Variants in PRR5L observed in about 807,000 individuals in gnomAD.
PRR5L encodes proline-rich protein 5-like.
Under a neutral mutation model 36.4 loss-of-function variants are expected in PRR5L, and 21 were observed. That is an observed-to-expected ratio of 0.58 (90% CI 0.41 to 0.83). The LOEUF (loss-of-function observed/expected upper bound fraction) is 0.83, where lower values mean the gene tolerates loss of function less well. PRR5L is among the 40% of genes least tolerant of loss of function. The pLI is 0.00. For missense variants in PRR5L, 381 were observed against 473.3 expected, an observed-to-expected ratio of 0.80 and a Z score of 1.81; for synonymous variants, 188 against 197.0, an observed-to-expected ratio of 0.95 and a Z score of 0.38.
chr11:36,463,724 A>G lies in PRR5L; in HGVS notation c.*988A>G, dbSNP rs1859240267. 6.6e-6 allele frequency: 1 copy of G among 152,520 alleles called. No individual in the cohort carries two copies. The highest frequency in any genetic ancestry group is 1.5e-5 in the Non-Finnish European group (1 of 68,016). 9.4% of individuals were successfully genotyped at this position (152,520 alleles called of 1,614,324 possible). On this transcript the variant is annotated 3_prime_UTR_variant, in exon 9 of 9. Transcript: ENST00000530639. ...AGTGGGGTGAGTCTTCACACTAAAA[A>G]CACAAGCAGAGCTCCTGGGAAAAGA...
intron 1 of PRR5L, among the ~76,000 whole-genome samples, chr11:36,356,922 A>G (rs1857034004): frequency 6.6e-6 from 1 of 152,154 alleles, no homozygotes; most frequent in African/African-American, 2.4e-5. Flanking sequence ...TTTAAGTCAA[A>G]ATCTAGAAGT....
intron 1 of PRR5L, among the ~76,000 whole-genome samples, chr11:36,312,098 G>A (rs575055455): frequency 6.1e-4 from 93 of 152,300 alleles, no homozygotes; most frequent in Non-Finnish European, 1.1e-3. Flanking sequence ...GGGCTTGGGA[G>A]TAGGAACAGG....
chr11:36,416,318 T>G (rs1365121), intron 3 of PRR5L, among the ~76,000 whole-genome samples: 17,146 of 152,196 alleles, frequency 0.11, 1,944 homozygotes, highest in African/African-American at 0.29. Context: ...TGACTTAAAT[T>G]ATTAAGAAAG....
intron 1 of PRR5L, among the ~76,000 whole-genome samples, chr11:36,399,617 A>G (rs1340471812): frequency 6.6e-6 from 1 of 152,260 alleles, no homozygotes; most frequent in African/African-American, 2.4e-5. Context: ...TTTTTGGGAC[A>G]TAGCAGAGTT....
chr11:36,411,377 T>C (rs943249774), intron 3 of PRR5L, among the ~76,000 whole-genome samples: 5 of 152,188 alleles, frequency 3.3e-5, no homozygotes, highest in African/African-American at 1.2e-4. Context: ...TAACAGGAAA[T>C]CCTGTCAACT....
intron 1 of PRR5L, among the ~76,000 whole-genome samples, chr11:36,328,533 C>A (rs1349429296): frequency 6.6e-6 from 1 of 152,186 alleles, no homozygotes; most frequent in Non-Finnish European, 1.5e-5. Context: ...TTGAAAGGTT[C>A]CTGAGGCCCC....
At chr11:36,397,853 T>G (rs1857699568) in intron 1 of PRR5L, among the ~76,000 whole-genome samples, 1 of 152,072 alleles carries the variant, frequency 6.6e-6, no homozygotes. Flanking sequence ...TATAGTGCAA[T>G]GGCACGATCT....
chr11:36,464,761 G>A lies in PRR5L; in HGVS notation c.*2025G>A, dbSNP rs1006025638. On this transcript the variant is annotated 3_prime_UTR_variant, in exon 9 of 9. Transcript: ENST00000530639. ...AGGTTAAGCATATGTGCATGCGTGC[G>A]TGTGTATATAAATGCCTTTTCCATA... is the stretch of plus-strand genomic sequence containing the variant. 3 of 152,176 alleles carry A rather than the reference G, an allele frequency of 2.0e-5. No homozygotes were observed. Among genetic ancestry groups the A allele is most frequent in the South Asian group, 2.1e-4 (1 of 4,822 alleles). 9.4% of individuals were successfully genotyped at this position (152,176 alleles called of 1,614,324 possible).
chr11:36,305,642 T>C lies in PRR5L; in HGVS notation c.-126+9204T>C, dbSNP rs149812765. ...TGATTAGGTCATAAGGGTGGGGCCCTCCTGAATGAGATTTTTGCCATTACT... is the reference window on the plus strand; with the variant it reads ...TGATTAGGTCATAAGGGTGGGGCCCCCCTGAATGAGATTTTTGCCATTACT... On this transcript the variant is annotated intron_variant, in intron 1 of 8. Coordinates refer to ENST00000530639, the MANE Select transcript of PRR5L (RefSeq NM_001160167.2). Among the ~76,000 whole-genome samples the C allele has an allele frequency of 2.5e-3, 380 of 152,320 alleles. 3 individuals are homozygous for C. Among genetic ancestry groups the C allele is most frequent in the African/African-American group, 8.8e-3 (364 of 41,570 alleles).
chr11:36,447,258 G>T (rs1201432949), intron 7 of PRR5L, among the ~76,000 whole-genome samples: 2 of 152,224 alleles, frequency 1.3e-5, no homozygotes, highest in Admixed American at 1.3e-4. Context: ...ATGAAACCTA[G>T]TAAGTTTGTG....
chr11:36,333,484 T>C (rs1035753955), intron 1 of PRR5L, among the ~76,000 whole-genome samples: 9 of 152,158 alleles, frequency 5.9e-5, no homozygotes, highest in African/African-American at 2.2e-4. Flanking sequence ...CAAATGTCCA[T>C]TGACTGCTGA....
At chr11:36,307,414 C>T (rs1056779748) in intron 1 of PRR5L, among the ~76,000 whole-genome samples, 4 of 152,194 alleles carry the variant, frequency 2.6e-5, no homozygotes, top group African/African-American at 9.7e-5. Context: ...TTTATTATCT[C>T]ATTTAAAAAT....
At chr11:36,420,834 A>AACAC (rs58639707) in intron 4 of PRR5L, among the ~76,000 whole-genome samples, 18,535 of 139,186 alleles carry the variant, frequency 0.13, 1,281 homozygotes, top group Middle Eastern at 0.15. Context: ...CAGTTGTTTA[A>AACAC]ACACACACAC....
chr11:36,377,685 G>C lies in PRR5L; in HGVS notation c.-125-23312G>C, dbSNP rs80161825. 6.6e-3 allele frequency: 1,012 copies of C among 152,674 alleles called. 17 individuals are homozygous for C. The highest frequency in any genetic ancestry group is 0.023 in the African/African-American group (970 of 41,602). The allele number at this position is 152,674 out of a possible 1,614,324, so 9.5% of individuals were successfully genotyped here. ...ATGCTGCCGCCGCCTCTTCCCCCGC[G>C]GTGCCGGGAGCCCGCGTTTTGTTTG... is the stretch of plus-strand genomic sequence containing the variant. On this transcript the variant is annotated intron_variant, in intron 1 of 8. Transcript: ENST00000530639. This position sits in a 1 kb window ranked among gnomAD's most constrained non-coding sequence, Gnocchi z 5.1.
At chr11:36,311,516 T>C (rs530814933) in intron 1 of PRR5L, among the ~76,000 whole-genome samples, 314 of 152,270 alleles carry the variant, frequency 2.1e-3, no homozygotes, top group African/African-American at 7.4e-3. Flanking sequence ...GAAGTTATAA[T>C]AAAAAAATTG....
chr11:36,376,416 C>G, intron 1 of PRR5L: 1 of 1,147,094 alleles, frequency 8.7e-7, no homozygotes, highest in Non-Finnish European at 1.1e-6. Context: ...TGTCACCAGC[C>G]CGGCTGTGGG....
chr11:36,327,626 T>C (rs1318986615), intron 1 of PRR5L, among the ~76,000 whole-genome samples: 1 of 152,214 alleles, frequency 6.6e-6, no homozygotes, highest in East Asian at 1.9e-4. Context: ...CTAGCACTTT[T>C]AAAGGTCTGA....
rs1298710993 is a variant in PRR5L at position 36,351,244 on chromosome 11, A to ATG, written c.-125-49752_-125-49751insGT. Among the ~76,000 whole-genome samples the ATG allele has an allele frequency of 4.0e-3, 300 of 74,552 alleles. 9 individuals are homozygous for ATG. Among genetic ancestry groups the ATG allele is most frequent in the African/African-American group, 0.013 (226 of 17,466 alleles). The allele number at this position is 74,552 out of a possible 152,430, so 48.9% of individuals were successfully genotyped here. On this transcript the variant is annotated intron_variant, in intron 1 of 8. Transcript: ENST00000530639. ...TATATATATTTATATATATTTATAT[A>ATG]TATTTTTATATATGTATATTTATAT... is the stretch of plus-strand genomic sequence containing the variant.
intron 8 of PRR5L, among the ~76,000 whole-genome samples, chr11:36,451,537 C>T (rs1858945257): frequency 6.6e-6 from 1 of 152,196 alleles, no homozygotes; most frequent in Non-Finnish European, 1.5e-5. Context: ...AACCTTCTCC[C>T]CCTTGATGAT....
Sources: gnomAD v4.1 joint callset for allele counts (sites outside exome capture counted in the v4.1 genomes callset) on GRCh38, gnomAD v4.1.1 for gene constraint, Gnocchi (gnomAD v3.1) non-coding constraint, MANE v1.5 for transcripts, NCBI Gene and HGNC (gene_info 2026-07-23, HGNC 2026-07-21) for gene names.